PDE11A: variants seen among roughly 807,000 people sequenced by gnomAD.
PDE11A encodes the protein phosphodiesterase 11A, also known as dual 3',5'-cyclic-AMP and -GMP phosphodiesterase 11A.
In PDE11A, 100 loss-of-function variants were observed where a neutral mutation model predicts 100.5. The ratio of observed to expected loss-of-function variants is 1.00; its 90% CI spans 0.85 to 1.18. The LOEUF (loss-of-function observed/expected upper bound fraction) is 1.18. Among genes scored for constraint, PDE11A ranks in the 50% most tolerant of loss-of-function variants. PDE11A has a pLI of 0.00. For missense variants in PDE11A, 1,141 were observed against 1,152.6 expected (o/e 0.99, Z 0.15); for synonymous variants, 381 against 420.8 (o/e 0.91, Z 1.16).
At chr2:178,074,151 T>G (rs750454517), upstream of PDE11A, among the ~76,000 whole-genome samples, 3 of 152,106 alleles carry the variant, frequency 2.0e-5, no homozygotes, top group Non-Finnish European at 4.4e-5. Context: ...AAAATTTCAT[T>G]TGTAAGAAAT....
chr2:177,859,269 TA>T (rs1238296786), intron 5 of PDE11A, among the ~76,000 whole-genome samples: 1 of 151,718 alleles, frequency 6.6e-6, no homozygotes, highest in South Asian at 2.1e-4. Flanking sequence ...AAATAAACTT[TA>T]AAAAAATCCT....
intron 2 of PDE11A, among the ~76,000 whole-genome samples, chr2:178,005,153 T>A (rs2086190913): frequency 6.6e-6 from 1 of 150,560 alleles, no homozygotes; most frequent in African/African-American, 2.4e-5. Context: ...ACACCTGGAG[T>A]AAAGGGGAAA....
At chr2:177,858,696 C>T (rs2083888020) in intron 5 of PDE11A, among the ~76,000 whole-genome samples, 2 of 152,168 alleles carry the variant, frequency 1.3e-5, no homozygotes, top group African/African-American at 4.8e-5. Context: ...GGTGATTCCT[C>T]AGGGATCTAG....
chr2:177,903,989 A>G (rs902348947), intron 3 of PDE11A, among the ~76,000 whole-genome samples: 2 of 152,244 alleles, frequency 1.3e-5, no homozygotes, highest in Non-Finnish European at 2.9e-5. Flanking sequence ...TTAGTCAACT[A>G]TGTTCATCTG....
chr2:177,838,538 G>T lies in PDE11A; in HGVS notation c.1500+1713C>A, dbSNP rs1041681916. On this transcript the variant is annotated intron_variant, in intron 6 of 19. Transcript: ENST00000286063. The stretch of plus-strand genomic sequence containing the variant: ...CTGCCATTAGAATAGGGGCAAAGAC[G>T]GATCTTAACTGCTTCCTGCTGACAG... Among the ~76,000 whole-genome samples the T allele has an allele frequency of 4.6e-5, 7 of 152,198 alleles. No individual in the cohort carries two copies. The East Asian group carries it at 1.4e-3, about 29-fold the overall frequency.
intron 17 of PDE11A, among the ~76,000 whole-genome samples, chr2:177,672,824 A>C (rs2080703113): frequency 6.6e-6 from 1 of 152,184 alleles, no homozygotes; most frequent in African/African-American, 2.4e-5. Flanking sequence ...CAAACTATGA[A>C]AATGAAAATT....
intron 2 of PDE11A, among the ~76,000 whole-genome samples, chr2:177,959,137 C>A (rs1282714429): frequency 6.6e-6 from 1 of 152,162 alleles, no homozygotes; most frequent in Non-Finnish European, 1.5e-5. Context: ...AAAGAAGAAG[C>A]TGATCTGGAA....
chr2:178,049,389 T>C (rs2086793046), intron 1 of PDE11A, among the ~76,000 whole-genome samples: 1 of 152,084 alleles, frequency 6.6e-6, no homozygotes, highest in South Asian at 2.1e-4. Flanking sequence ...GGTGGCCAAA[T>C]AGGAACAGCT....
At chr2:177,763,691 C>T (rs1233696283) in intron 10 of PDE11A, among the ~76,000 whole-genome samples, 2 of 152,128 alleles carry the variant, frequency 1.3e-5, no homozygotes, top group Non-Finnish European at 2.9e-5. Flanking sequence ...CTCTGTGTCG[C>T]CTGAGTTTGG....
At chr2:177,783,053 C>G (rs2082475902) in intron 9 of PDE11A, among the ~76,000 whole-genome samples, 1 of 152,180 alleles carries the variant, frequency 6.6e-6, no homozygotes, top group South Asian at 2.1e-4. Flanking sequence ...ACAGTCTCAG[C>G]CTTTACTCAT....
At position 177,916,034 on chromosome 2, in the gene PDE11A, A is replaced by T. The variant is rs190298229; in HGVS notation, c.1072-10847T>A. 2.0e-5 allele frequency among the ~76,000 whole-genome samples: 3 copies of T among 152,180 alleles called. No homozygotes were observed. The East Asian group carries it at 5.8e-4, about 29-fold the overall frequency. ...TGAAATACACCTATAATACATTCTT[A>T]TTTTCTGCAGCCTTTAACACTTGAT... is the stretch of plus-strand genomic sequence containing the variant. On this transcript the variant is annotated intron_variant, in intron 2 of 19. Transcript: ENST00000286063.
At chr2:177,890,383 T>C (rs2084510813) in intron 4 of PDE11A, among the ~76,000 whole-genome samples, 1 of 152,194 alleles carries the variant, frequency 6.6e-6, no homozygotes, top group Admixed American at 6.5e-5. Context: ...CCCAGGCACC[T>C]GCTCTTACTG....
At chr2:177,883,434 G>C (rs1412498674) in intron 4 of PDE11A, among the ~76,000 whole-genome samples, 1 of 152,084 alleles carries the variant, frequency 6.6e-6, no homozygotes, top group African/African-American at 2.4e-5. Context: ...ACACCAAGGG[G>C]CACAAACCAT....
chr2:177,666,073 C>T (rs1192589531), intron 18 of PDE11A, among the ~76,000 whole-genome samples: 1 of 152,090 alleles, frequency 6.6e-6, no homozygotes, highest in Non-Finnish European at 1.5e-5. Context: ...AGCAGTCATT[C>T]TCGCTTTTTT....
chr2:177,783,949 A>C (rs2082492889), intron 9 of PDE11A, among the ~76,000 whole-genome samples: 1 of 152,150 alleles, frequency 6.6e-6, no homozygotes, highest in Non-Finnish European at 1.5e-5. Flanking sequence ...AAACATGATA[A>C]TTGACTCAAG....
chr2:177,996,518 T>G (rs1263665999), intron 2 of PDE11A, among the ~76,000 whole-genome samples: 4 of 151,244 alleles, frequency 2.6e-5, no homozygotes, highest in East Asian at 1.9e-4. Flanking sequence ...TATGTATGTA[T>G]GTATATTATA....
At chr2:177,954,703 G>T (rs1384424657) in intron 2 of PDE11A, among the ~76,000 whole-genome samples, 1 of 152,116 alleles carries the variant, frequency 6.6e-6, no homozygotes, top group Non-Finnish European at 1.5e-5. Context: ...ACATTGCTCT[G>T]TGCAAATGGT....
At chr2:177,746,320 A>T (rs1025478941) in intron 10 of PDE11A, among the ~76,000 whole-genome samples, 4 of 152,190 alleles carry the variant, frequency 2.6e-5, no homozygotes, top group African/African-American at 4.8e-5. Flanking sequence ...GGAAATCTGG[A>T]GGGAAAACAC....
intron 15 of PDE11A, among the ~76,000 whole-genome samples, chr2:177,692,174 A>G (rs988409511): frequency 1.2e-4 from 19 of 152,198 alleles, no homozygotes; most frequent in Admixed American, 1.2e-3. Context: ...TAAAGGTCCT[A>G]AGTAAGCACT....
Sources: allele counts gnomAD v4.1 joint callset (sites outside exome capture counted in the v4.1 genomes callset), GRCh38; gene constraint gnomAD v4.1.1; transcripts MANE v1.5; gene names NCBI Gene and HGNC (gene_info 2026-07-23, HGNC 2026-07-21).